ARHGAP8: variants seen among roughly 807,000 people sequenced by gnomAD.
The protein encoded by ARHGAP8 is Rho GTPase activating protein 8, also known as rho GTPase-activating protein 8.
Under a neutral mutation model 46.1 loss-of-function variants are expected in ARHGAP8, and 62 were observed. That is an observed-to-expected ratio of 1.34 (90% CI 1.10 to 1.66). The LOEUF (loss-of-function observed/expected upper bound fraction) is 1.66, where lower values mean the gene tolerates loss of function less well. Among genes scored for constraint, ARHGAP8 ranks in the 40% most tolerant of loss-of-function variants. The pLI is 0.00. For synonymous variants in ARHGAP8, 375 were observed against 243.1 expected (o/e 1.54, Z -5.05); for missense variants, 923 against 568.4 (o/e 1.62, Z -6.34).
At chr22:44,850,031 C>A (rs1308862446) in intron 10 of ARHGAP8, 1 of 152,180 alleles carries the variant, frequency 6.6e-6, no homozygotes, top group African/African-American at 2.4e-5. Flanking sequence ...AGACCAATTA[C>A]ATGGTTAGAG....
At chr22:44,858,574 T>A (rs1347853270) in intron 10 of ARHGAP8, among the ~76,000 whole-genome samples, 1 of 139,848 alleles carries the variant, frequency 7.2e-6, no homozygotes, top group African/African-American at 2.7e-5. Context: ...TTCACCATGT[T>A]GGGTCAGGCT....
intron 1 of ARHGAP8, among the ~76,000 whole-genome samples, chr22:44,772,809 CTTTTTTT>C (rs5845668): frequency 8.8e-6 from 1 of 113,006 alleles, no homozygotes; most frequent in Non-Finnish European, 1.7e-5. Context: ...CTCTCTCCCA[CTTTTTTT>C]TTTTTTTTTT....
chr22:44,762,375 G>A (rs1312344820), intron 1 of ARHGAP8, among the ~76,000 whole-genome samples: 2 of 152,038 alleles, frequency 1.3e-5, no homozygotes, highest in Non-Finnish European at 2.9e-5. Flanking sequence ...GTTCAAGGCT[G>A]TAGTGAGCTA....
intron 1 of ARHGAP8, 85 bp from the exon 2 acceptor site, chr22:44,786,372 T>C: frequency 2.0e-6 from 3 of 1,496,560 alleles, no homozygotes; most frequent in Non-Finnish European, 2.7e-6. Context: ...GGTGGGTGAC[T>C]GTCTTATGAA....
chr22:44,822,768 G>A (rs1489835201), intron 6 of ARHGAP8, among the ~76,000 whole-genome samples: 2 of 152,206 alleles, frequency 1.3e-5, no homozygotes, highest in East Asian at 1.9e-4. Context: ...GGTGTTTACC[G>A]TTTTTGCTTT....
At chr22:44,859,227 A>G (rs1212260842) in intron 10 of ARHGAP8, among the ~76,000 whole-genome samples, 1 of 146,744 alleles carries the variant, frequency 6.8e-6, no homozygotes, top group East Asian at 1.9e-4. Flanking sequence ...CTCATGTTGA[A>G]TTGAAACTTT....
intron 1 of ARHGAP8, among the ~76,000 whole-genome samples, chr22:44,783,606 C>T (rs1005882886): frequency 4.6e-5 from 7 of 152,190 alleles, no homozygotes; most frequent in African/African-American, 1.7e-4. Flanking sequence ...GCCTCTGCTC[C>T]ACCGCACTAG....
rs186806970 is a variant in ARHGAP8 at position 44,857,719 on chromosome 22, G to C, written c.878-2012G>C. ...CTCATGGCCTGCTCCAGAGGAGAAAGGGGAGGTCAGAGAGTCCTCGAGGCC... is the reference window on the plus strand; with the variant it reads ...CTCATGGCCTGCTCCAGAGGAGAAACGGGAGGTCAGAGAGTCCTCGAGGCC... On this transcript the variant is annotated intron_variant, in intron 10 of 11. Coordinates refer to ENST00000356099, the MANE Select transcript of ARHGAP8 (RefSeq NM_181335.3). Among the ~76,000 whole-genome samples the C allele has an allele frequency of 1.8e-3, 272 of 152,310 alleles. 2 individuals carry two copies. The highest frequency in any genetic ancestry group is 6.3e-3 in the African/African-American group (261 of 41,576).
intron 1 of ARHGAP8, among the ~76,000 whole-genome samples, chr22:44,759,088 G>A (rs1365970641): frequency 1.3e-5 from 2 of 152,222 alleles, no homozygotes; most frequent in African/African-American, 4.8e-5. Context: ...GGATGGTGGG[G>A]TGACCCTGGA....
chr22:44,789,398 G>T (rs555548518), intron 2 of ARHGAP8, among the ~76,000 whole-genome samples: 1 of 152,112 alleles, frequency 6.6e-6, no homozygotes, highest in Non-Finnish European at 1.5e-5. Context: ...TGATCCGCCC[G>T]CCTCAGCCTC....
rs1223857467 is a variant in ARHGAP8 at position 44,827,336 on chromosome 22, G to GGTTT, written c.596+1743_596+1744insGTTT. Among the ~76,000 whole-genome samples, 571 of 67,254 alleles carry GGTTT rather than the reference G, an allele frequency of 8.5e-3. 20 individuals carry two copies. The highest frequency in any genetic ancestry group is 0.032 in the African/African-American group (541 of 17,060). 44.1% of individuals were successfully genotyped at this position (67,254 alleles called of 152,430 possible). A position where few individuals can be genotyped will look rare whatever the true frequency, so the allele number is the denominator to read the frequency against. ...GGTGAGATAATACATTTGGGTGGTG[G>GGTTT]TTTTTTTTTTTTTTTTTTTTTTTTT... On this transcript the variant is annotated intron_variant, in intron 7 of 11. Transcript: ENST00000356099.
intron 2 of ARHGAP8, among the ~76,000 whole-genome samples, chr22:44,786,941 C>G (rs552898647): frequency 1.3e-4 from 19 of 150,462 alleles, no homozygotes; most frequent in African/African-American, 3.2e-4. Context: ...TGCTTCAGCC[C>G]GGGAGGCAGA....
rs1376633182 is a variant in ARHGAP8 at position 44,859,971 on chromosome 22, C to T, written c.981+137C>T. On this transcript the variant is annotated intron_variant, in intron 11 of 11. Transcript: ENST00000356099. ...GGGCCTCGGAATACCACTCCCTGCC[C>T]CCCAAGGACCTCATCCAAGGCCTGG... 9 of 1,047,470 alleles carry T rather than the reference C, an allele frequency of 8.6e-6. No homozygotes were observed. In the Admixed American group the frequency reaches 2.1e-4, roughly 25 times the overall value. The allele number at this position is 1,047,470 out of a possible 1,614,324, so 64.9% of individuals were successfully genotyped here.
chr22:44,852,356 T>C (rs969366214), intron 10 of ARHGAP8, among the ~76,000 whole-genome samples: 5 of 150,952 alleles, frequency 3.3e-5, no homozygotes, highest in Non-Finnish European at 2.9e-5. Flanking sequence ...TAAGGCACCC[T>C]CTGGACATAG....
At chr22:44,781,007 C>G (rs532914044) in intron 1 of ARHGAP8, among the ~76,000 whole-genome samples, 1 of 152,168 alleles carries the variant, frequency 6.6e-6, no homozygotes, top group South Asian at 2.1e-4. Flanking sequence ...TCCAGGTATC[C>G]CCTGGGTTCC....
chr22:44,817,584 A>G (rs1929840846), intron 5 of ARHGAP8, among the ~76,000 whole-genome samples: 2 of 152,154 alleles, frequency 1.3e-5, no homozygotes, highest in South Asian at 4.1e-4. Context: ...CTAGCGGATC[A>G]CCTGAGGTAA....
At chr22:44,835,466 A>G (rs1931221979) in intron 7 of ARHGAP8, among the ~76,000 whole-genome samples, 1 of 152,076 alleles carries the variant, frequency 6.6e-6, no homozygotes, top group Non-Finnish European at 1.5e-5. Flanking sequence ...AAAAGTACAA[A>G]AAAAATTAGC....
intron 7 of ARHGAP8, among the ~76,000 whole-genome samples, chr22:44,843,962 C>T (rs1269921022): frequency 1.3e-5 from 2 of 151,650 alleles, no homozygotes; most frequent in African/African-American, 2.4e-5. Flanking sequence ...AAAGATACAG[C>T]ATATATACAT....
chr22:44,794,341 G>C (rs1252842964), intron 2 of ARHGAP8, among the ~76,000 whole-genome samples: 2 of 152,218 alleles, frequency 1.3e-5, no homozygotes, highest in African/African-American at 4.8e-5. Context: ...AGCTCAGCCA[G>C]GGATTGGGCA....
Sources: allele counts gnomAD v4.1 joint callset (sites outside exome capture counted in the v4.1 genomes callset), GRCh38; gene constraint gnomAD v4.1.1; transcripts MANE v1.5; gene names NCBI Gene and HGNC (gene_info 2026-07-23, HGNC 2026-07-21).